Variants in CTNNA2 observed in about 807,000 individuals in gnomAD.
CTNNA2 encodes catenin alpha 2, also known as catenin alpha-2.
In CTNNA2, 42 loss-of-function variants were observed where a neutral mutation model predicts 101.0. That is an observed-to-expected ratio of 0.42 (90% CI 0.32 to 0.54). The LOEUF (loss-of-function observed/expected upper bound fraction) is 0.54, where lower values mean the gene tolerates loss of function less well. Ranked by LOEUF, CTNNA2 falls within the 20% of genes least tolerant of loss-of-function variation. CTNNA2 has a pLI of 0.14. For synonymous variants in CTNNA2, 450 were observed against 456.4 expected (o/e 0.99, Z 0.18); for missense variants, 871 against 1,223.1 (o/e 0.71, Z 4.29).
At chr2:80,358,546 T>A (rs1319879622) in intron 7 of CTNNA2, among the ~76,000 whole-genome samples, 1 of 152,018 alleles carries the variant, frequency 6.6e-6, no homozygotes. Flanking sequence ...AGATGGGGTT[T>A]CACCATGTTG....
chr2:79,251,827 C>T (rs568957706), intron 2 of CTNNA2, among the ~76,000 whole-genome samples: 1 of 152,236 alleles, frequency 6.6e-6, no homozygotes, highest in East Asian at 1.9e-4. Flanking sequence ...CCATGACCTG[C>T]TTTCTGATCC....
At chr2:79,726,475 G>A (rs1322306718) in intron 2 of CTNNA2, among the ~76,000 whole-genome samples, 1 of 152,004 alleles carries the variant, frequency 6.6e-6, no homozygotes, top group Non-Finnish European at 1.5e-5. Flanking sequence ...ATACCAGCAC[G>A]AACCCTATTG....
rs528271196 is a variant in CTNNA2, at chr2:79,750,195, G to A, written c.298+5613G>A. On this transcript the variant is annotated intron_variant, in intron 3 of 18. Transcript: ENST00000402739. ...AGCTTAAATCGGGGAATTCCAGAAC[G>A]TTTTCAGTGTTTACCACGAAGATTT... Among the ~76,000 whole-genome samples, 64 of 152,262 alleles carry A rather than the reference G, an allele frequency of 4.2e-4. No homozygotes were observed. The South Asian group carries it at 0.013, about 30-fold the overall frequency.
intron 2 of CTNNA2, among the ~76,000 whole-genome samples, chr2:79,240,061 A>G (rs1373163327): frequency 6.6e-6 from 1 of 151,130 alleles, no homozygotes; most frequent in Non-Finnish European, 1.5e-5. Flanking sequence ...GGCATGTGCC[A>G]CCATACTCAG....
intron 1 of CTNNA2, among the ~76,000 whole-genome samples, chr2:79,550,239 C>T (rs755383209): frequency 1.4e-4 from 22 of 152,226 alleles, no homozygotes; most frequent in Non-Finnish European, 1.6e-4. Context: ...GTTCTGGAGA[C>T]GAAATGATTC....
intron 7 of CTNNA2, among the ~76,000 whole-genome samples, chr2:80,109,768 G>C (rs1701102333): frequency 6.6e-6 from 1 of 152,086 alleles, no homozygotes; most frequent in Non-Finnish European, 1.5e-5. Context: ...TGAGAACTGA[G>C]TTGGAACTCA....
At chr2:79,995,829 T>G (rs1327660536) in intron 7 of CTNNA2, among the ~76,000 whole-genome samples, 1 of 152,084 alleles carries the variant, frequency 6.6e-6, no homozygotes, top group Non-Finnish European at 1.5e-5. Flanking sequence ...AAATATGCAT[T>G]GTCCTTTGGA....
At chr2:80,149,023 A>AT (rs34431691) in intron 7 of CTNNA2, among the ~76,000 whole-genome samples, 10,658 of 124,672 alleles carry the variant, frequency 0.085, 425 homozygotes, top group African/African-American at 0.1. Context: ...TTATTTTGTT[A>AT]TTTTTTTTTT....
At chr2:80,330,415 A>G (rs1426511709) in intron 7 of CTNNA2, among the ~76,000 whole-genome samples, 1 of 152,202 alleles carries the variant, frequency 6.6e-6, no homozygotes, top group Non-Finnish European at 1.5e-5. Flanking sequence ...TGAGGAGGTT[A>G]TAAGATTTGT....
At chr2:80,522,081 C>T (rs1342888281) in intron 9 of CTNNA2, among the ~76,000 whole-genome samples, 1 of 152,238 alleles carries the variant, frequency 6.6e-6, no homozygotes, top group East Asian at 1.9e-4. Flanking sequence ...AAGCTCCCCA[C>T]AAGGCCAACC....
chr2:79,637,384 A>G (rs1344592961), intron 1 of CTNNA2, among the ~76,000 whole-genome samples: 2 of 152,126 alleles, frequency 1.3e-5, no homozygotes, highest in Non-Finnish European at 2.9e-5. Flanking sequence ...ATTGGGAAGG[A>G]GTTAAGGGTA....
intron 18 of CTNNA2, among the ~76,000 whole-genome samples, chr2:80,629,593 C>T (rs1672061434): frequency 6.6e-6 from 1 of 152,126 alleles, no homozygotes; most frequent in Non-Finnish European, 1.5e-5. Flanking sequence ...AGAATTTCTC[C>T]AGACAGTTTA....
At chr2:80,139,958 C>A (rs1364506641) in intron 7 of CTNNA2, among the ~76,000 whole-genome samples, 1 of 152,182 alleles carries the variant, frequency 6.6e-6, no homozygotes, top group Non-Finnish European at 1.5e-5. Context: ...ACTCTTCTCA[C>A]TGGGGGTTGA....
At chr2:80,525,804 C>A (rs1689982532) in intron 9 of CTNNA2, among the ~76,000 whole-genome samples, 1 of 152,138 alleles carries the variant, frequency 6.6e-6, no homozygotes, top group African/African-American at 2.4e-5. Flanking sequence ...AGGATAATGA[C>A]TACCTTACGC....
chr2:80,208,159 C>T (rs1393059880), intron 7 of CTNNA2, among the ~76,000 whole-genome samples: 3 of 152,288 alleles, frequency 2.0e-5, no homozygotes, highest in African/African-American at 7.2e-5. Context: ...AAGGATTACA[C>T]CTCTACAAAT....
chr2:80,570,072 G>A (rs762621367), intron 12 of CTNNA2, among the ~76,000 whole-genome samples: 12 of 151,942 alleles, frequency 7.9e-5, no homozygotes, highest in East Asian at 1.9e-4. Context: ...GTTTTGAGAC[G>A]GAGTCTCGCT....
At chr2:79,538,950 G>A (rs143001978) in intron 1 of CTNNA2, among the ~76,000 whole-genome samples, 130 of 152,288 alleles carry the variant, frequency 8.5e-4, no homozygotes, top group African/African-American at 2.7e-3. Flanking sequence ...AGACCTGAAC[G>A]AGGGCAGCAT....
At chr2:79,545,883 GT>G (rs927400249) in intron 1 of CTNNA2, among the ~76,000 whole-genome samples, 1 of 152,136 alleles carries the variant, frequency 6.6e-6, no homozygotes, top group African/African-American at 2.4e-5. Context: ...CTTCATATGT[GT>G]CAGGCACTAT....
At chr2:80,216,280 A>G (rs1184144033) in intron 7 of CTNNA2, among the ~76,000 whole-genome samples, 3 of 152,178 alleles carry the variant, frequency 2.0e-5, no homozygotes, top group African/African-American at 7.2e-5. Context: ...GACAAGCTCC[A>G]GTGAGATGAA....
Sources: allele counts gnomAD v4.1 joint callset (sites outside exome capture counted in the v4.1 genomes callset), GRCh38; gene constraint gnomAD v4.1.1; transcripts MANE v1.5; gene names NCBI Gene and HGNC (gene_info 2026-07-23, HGNC 2026-07-21).